The following DMD variants were observed in gnomAD, a reference collection of about 807,000 sequenced individuals.
DMD encodes the protein mutant dystrophin.
A neutral mutation model predicts 330.1 loss-of-function variants in DMD; 63 were observed. The observed-to-expected ratio is 0.19, with a 90% CI of 0.16 to 0.24. DMD has a LOEUF of 0.24. Among genes scored for constraint, DMD ranks in the 10% least tolerant of loss-of-function variants. DMD has a pLI of 1.00. For synonymous variants in DMD, 1,223 were observed against 959.8 expected (o/e 1.27, Z -5.07); for missense variants, 3,344 against 2,684.1 (o/e 1.25, Z -5.43).
chrX:32,189,007 C>G (rs1469499719), intron 44 of DMD, among the ~76,000 whole-genome samples: 2 of 110,669 alleles, frequency 1.8e-5, no homozygotes, highest in East Asian at 5.7e-4. Context: ...TTAATTTATA[C>G]ATTGTCATCA....
intron 55 of DMD, among the ~76,000 whole-genome samples, chrX:31,603,202 C>G (rs948022210): frequency 7.2e-5 from 8 of 110,659 alleles, no homozygotes; most frequent in Admixed American, 2.9e-4. Flanking sequence ...CCATTTCCAG[C>G]CATGATTGGC....
At chrX:33,259,479 A>C (rs2179427) in intron 1 of DMD, among the ~76,000 whole-genome samples, 1,276 of 109,649 alleles carry the variant, frequency 0.012, 5 homozygotes, top group Non-Finnish European at 0.019. Context: ...TCCAAAATTC[A>C]AAACTTTTGA....
At chrX:31,363,339 C>T (rs762562194) in intron 60 of DMD, among the ~76,000 whole-genome samples, 148 of 107,744 alleles carry the variant, frequency 1.4e-3, no homozygotes, top group African/African-American at 4.6e-3. Flanking sequence ...AAAAGGTTTC[C>T]GTGGCCTCTT....
At chrX:31,406,313 T>G (rs2061399804) in intron 60 of DMD, among the ~76,000 whole-genome samples, 1 of 111,428 alleles carries the variant, frequency 9.0e-6, no homozygotes, top group East Asian at 2.8e-4. Flanking sequence ...GGTGATAAAA[T>G]AATGTGTACA....
chrX:31,970,699 G>C (rs1180870597), intron 44 of DMD, among the ~76,000 whole-genome samples: 2 of 111,123 alleles, frequency 1.8e-5, no homozygotes, highest in African/African-American at 6.5e-5. Flanking sequence ...CACTGTATGA[G>C]AGCAGGCGTT....
intron 1 of DMD, among the ~76,000 whole-genome samples, chrX:33,140,228 T>C (rs1464613537): frequency 1.8e-5 from 2 of 112,223 alleles, no homozygotes; most frequent in African/African-American, 6.5e-5. Context: ...CCAGCATATG[T>C]AGTAAGTAGG....
intron 76 of DMD, among the ~76,000 whole-genome samples, chrX:31,141,639 G>GA (rs2036065107): frequency 1.6e-5 from 1 of 62,821 alleles, no homozygotes; most frequent in Admixed American, 1.8e-4. Flanking sequence ...CATAGCTAAG[G>GA]AAGGCAGGTA....
At chrX:32,935,690 T>C (rs1157454124) in intron 2 of DMD, among the ~76,000 whole-genome samples, 1 of 110,467 alleles carries the variant, frequency 9.1e-6, no homozygotes, top group Non-Finnish European at 1.9e-5. Flanking sequence ...ACACAAACAT[T>C]AAAGAATATT....
intron 63 of DMD, among the ~76,000 whole-genome samples, chrX:31,223,358 G>C (rs188517061): frequency 8.9e-6 from 1 of 112,322 alleles, no homozygotes; most frequent in Non-Finnish European, 1.9e-5. Context: ...AGACTAAAGT[G>C]GTATAGCCTG....
intron 7 of DMD, among the ~76,000 whole-genome samples, chrX:32,773,221 T>C (rs1284263640): frequency 8.9e-6 from 1 of 111,740 alleles, no homozygotes; most frequent in Non-Finnish European, 1.9e-5. Flanking sequence ...TATTTATAGC[T>C]AGCGAGAGAA....
At chrX:33,317,268 C>T (rs1273822714) in intron 1 of DMD, among the ~76,000 whole-genome samples, 6 of 110,817 alleles carry the variant, frequency 5.4e-5, no homozygotes, top group African/African-American at 2.0e-4. Context: ...TGCTCATTTG[C>T]CAGAATCCAT....
intron 7 of DMD, among the ~76,000 whole-genome samples, chrX:32,804,499 A>G (rs1458783125): frequency 8.9e-6 from 1 of 112,322 alleles, no homozygotes; most frequent in Non-Finnish European, 1.9e-5. Flanking sequence ...TAAAACTCCC[A>G]TCTCCCTGAG....
At chrX:32,362,738 C>G in intron 37 of DMD, 50 bp downstream of exon 37, 1 of 1,192,889 alleles carries the variant, frequency 8.4e-7, no homozygotes, top group South Asian at 1.8e-5. Context: ...GCGCAACCTT[C>G]GCAAGAGACC....
chrX:31,995,468 C>A (rs1426119119), intron 44 of DMD, among the ~76,000 whole-genome samples: 3 of 111,723 alleles, frequency 2.7e-5, no homozygotes, highest in African/African-American at 9.7e-5. Context: ...AAATGCAAAC[C>A]AAAATTGAAA....
Position 31,336,343 on chromosome X carries a change from T to G in DMD, c.9163+12213A>C, listed in dbSNP as rs953424984. Reference sequence around the variant, plus strand: ...CTAAGGGAGGGGAGTGCTACTGGCATGTAGTGAGTAGAGGCCAGAGATAAT... The same window carrying G: ...CTAAGGGAGGGGAGTGCTACTGGCAGGTAGTGAGTAGAGGCCAGAGATAAT... On this transcript the variant is annotated intron_variant, in intron 61 of 78. Transcript: ENST00000357033. Among the ~76,000 whole-genome samples, 5 of 111,866 alleles carry G rather than the reference T, an allele frequency of 4.5e-5. No individual in the cohort carries two copies. In the Admixed American group the frequency reaches 4.7e-4, roughly 11 times the overall value.
chrX:31,276,417 A>G (rs1370742868), intron 62 of DMD, among the ~76,000 whole-genome samples: 1 of 111,741 alleles, frequency 8.9e-6, no homozygotes, highest in South Asian at 3.8e-4. Context: ...TGCTATGCAT[A>G]CCCACCAGAA....
At chrX:32,479,287 C>T (rs747195493) in intron 21 of DMD, among the ~76,000 whole-genome samples, 10 of 110,565 alleles carry the variant, frequency 9.0e-5, no homozygotes, top group African/African-American at 1.3e-4. Flanking sequence ...TTTTGTGATG[C>T]GGATATTAAA....
intron 76 of DMD, among the ~76,000 whole-genome samples, chrX:31,145,313 C>A (rs191708709): frequency 9.0e-6 from 1 of 111,701 alleles, no homozygotes; most frequent in African/African-American, 3.3e-5. Context: ...GTCACATCTT[C>A]CTTGAACCTC....
chrX:33,032,510 G>T (rs979917844), intron 1 of DMD, among the ~76,000 whole-genome samples: 2 of 111,827 alleles, frequency 1.8e-5, no homozygotes, highest in African/African-American at 3.3e-5. Flanking sequence ...AAAAGAGAGG[G>T]TTGTATTCCA....
Sources: allele counts gnomAD v4.1 joint callset (sites outside exome capture counted in the v4.1 genomes callset), GRCh38; gene constraint gnomAD v4.1.1; transcripts MANE v1.5; gene names NCBI Gene and HGNC (gene_info 2026-07-23, HGNC 2026-07-21).